KPNA5: variants seen among roughly 807,000 people sequenced by gnomAD.
KPNA5 encodes importin subunit alpha-6.
Under a neutral mutation model 71.3 loss-of-function variants are expected in KPNA5, and 46 were observed. The ratio of observed to expected loss-of-function variants is 0.65; its 90% CI spans 0.51 to 0.83. The LOEUF is 0.83. KPNA5 is among the 40% of genes least tolerant of loss of function. The pLI, the probability that KPNA5 is intolerant of heterozygous loss-of-function variation, is 0.00. For missense variants in KPNA5, 547 were observed against 628.3 expected (o/e 0.87, Z 1.38); for synonymous variants, 207 against 201.4 (o/e 1.03, Z -0.24).
intron 7 of KPNA5, among the ~76,000 whole-genome samples, chr6:116,712,142 T>A (rs1489662840): frequency 6.6e-6 from 1 of 152,140 alleles, no homozygotes; most frequent in Non-Finnish European, 1.5e-5. Context: ...GGTCTCACCA[T>A]GTTGGTCAGA....
Position 116,704,594 on chromosome 6 carries a change from CTT to C in KPNA5, c.568-468_568-467del, listed in dbSNP as rs34559060. ...ATATTTCACTAATATGCAAGGAAAA[CTT>C]TTTTTTTTTGGAGACAGGGTTTCGC... On this transcript the variant is annotated intron_variant, in intron 6 of 13. Transcript: ENST00000368564. Among the ~76,000 whole-genome samples the C allele has an allele frequency of 4.3e-3, 633 of 147,528 alleles. 5 individuals are homozygous for C. Among genetic ancestry groups the C allele is most frequent in the African/African-American group, 0.015 (588 of 40,422 alleles).
At position 116,741,144 on chromosome 6, in the gene KPNA5, T is replaced by C. The variant is rs1174201675; in HGVS notation, c.*8821T>C. The stretch of plus-strand genomic sequence containing the variant: ...GTTTTAGTGAAATGGCCCATGTGTG[T>C]AAGAAAAGAATGTGTTTTGTTAATT... On this transcript the variant is annotated 3_prime_UTR_variant, in exon 14 of 14. Coordinates refer to ENST00000368564, the MANE Select transcript of KPNA5 (RefSeq NM_001366306.2). 1.3e-5 allele frequency: 2 copies of C among 152,296 alleles called. No individual in the cohort carries two copies. The highest frequency in any genetic ancestry group is 3.9e-4 in the East Asian group (2 of 5,190). 9.4% of individuals were successfully genotyped at this position (152,296 alleles called of 1,614,324 possible).
rs1212516191 is a variant in KPNA5, at chr6:116,738,252, A to T, written c.*5929A>T. On this transcript the variant is annotated 3_prime_UTR_variant, in exon 14 of 14. Coordinates refer to ENST00000368564, the MANE Select transcript of KPNA5 (RefSeq NM_001366306.2). ...ACGCAAATATACTAGAAAATCTAGAAGAAATGGATAAATTCCTCGACACAT... is the reference window on the plus strand; with the variant it reads ...ACGCAAATATACTAGAAAATCTAGATGAAATGGATAAATTCCTCGACACAT... 6.6e-6 allele frequency: 1 copy of T among 152,212 alleles called. No individual in the cohort carries two copies. Among genetic ancestry groups the T allele is most frequent in the East Asian group, 1.9e-4 (1 of 5,202 alleles). The allele number at this position is 152,212 out of a possible 1,614,324, so 9.4% of individuals were successfully genotyped here. A position where few individuals can be genotyped will look rare whatever the true frequency, so the allele number is the denominator to read the frequency against.
At chr6:116,706,051 A>G (rs1242628449) in intron 7 of KPNA5, among the ~76,000 whole-genome samples, 2 of 152,346 alleles carry the variant, frequency 1.3e-5, no homozygotes, top group East Asian at 3.9e-4. Flanking sequence ...GTAATTGAGA[A>G]TTTAGCTGAG....
chr6:116,690,483 T>C (rs918240833), intron 2 of KPNA5, among the ~76,000 whole-genome samples: 19 of 151,650 alleles, frequency 1.3e-4, no homozygotes, highest in Non-Finnish European at 2.5e-4. Context: ...TGAAACCCCA[T>C]CTCAAAAAAA....
At chr6:116,694,418 A>G (rs983130855) in intron 4 of KPNA5, among the ~76,000 whole-genome samples, 18 of 152,096 alleles carry the variant, frequency 1.2e-4, no homozygotes, top group Non-Finnish European at 2.2e-4. Flanking sequence ...TTCATTGAGC[A>G]GTGGTTTGTA....
chr6:116,710,893 A>ATTTT (rs67301038), intron 7 of KPNA5, among the ~76,000 whole-genome samples: 4 of 86,760 alleles, frequency 4.6e-5, no homozygotes, highest in African/African-American at 9.0e-5. Flanking sequence ...ATATATATAT[A>ATTTT]TTTTTTTTTT....
chr6:116,717,549 C>T (rs1778934702), intron 8 of KPNA5, among the ~76,000 whole-genome samples: 1 of 152,154 alleles, frequency 6.6e-6, no homozygotes, highest in African/African-American at 2.4e-5. Context: ...CTTGCATCCT[C>T]AGAAGAAAGA....
At chr6:116,729,497 C>A (rs1779406590) in intron 12 of KPNA5, 66 bp from the exon 13 acceptor site, 2 of 1,031,830 alleles carry the variant, frequency 1.9e-6, no homozygotes, top group Middle Eastern at 3.6e-4. Flanking sequence ...GTCATTGTTA[C>A]AAACAGTACT....
At chr6:116,686,774 C>T (rs560518932) in intron 1 of KPNA5, among the ~76,000 whole-genome samples, 1 of 152,274 alleles carries the variant, frequency 6.6e-6, no homozygotes, top group Admixed American at 6.5e-5. Flanking sequence ...ATCCCAGCAC[C>T]ATTTATTGAA....
chr6:116,732,149 T>C lies in KPNA5; in HGVS notation c.1446T>C (p.Ile482=). The change falls in exon 14 of 14, where the codon ATT becomes ATC. Residue 482 remains isoleucine, a synonymous_variant. Transcript: ENST00000368564. ...TTTGTATAACAGGTCTGGATAAAAT[T>C]GAGTTTTTGCAAAGCCATGAAAATC... ...LIEEAYGLDK[I]EFLQSHENQE... is the part of the protein sequence containing the mutation. The C allele has an allele frequency of 6.9e-7, 1 of 1,455,458 alleles. No individual in the cohort carries two copies. Among genetic ancestry groups the C allele is most frequent in the South Asian group, 1.3e-5 (1 of 77,054 alleles). 90.2% of individuals were successfully genotyped at this position (1,455,458 alleles called of 1,614,324 possible). A position where few individuals can be genotyped will look rare whatever the true frequency, so the allele number is the denominator to read the frequency against.
chr6:116,699,371 G>T (rs1334602403), intron 5 of KPNA5, among the ~76,000 whole-genome samples: 1 of 151,990 alleles, frequency 6.6e-6, no homozygotes, highest in Admixed American at 6.6e-5. Flanking sequence ...AAAAAGATTG[G>T]TTTTCCCTAC....
At chr6:116,730,081 G>A (rs1583449521) in intron 13 of KPNA5, among the ~76,000 whole-genome samples, 1 of 138,472 alleles carries the variant, frequency 7.2e-6, no homozygotes, top group Admixed American at 7.5e-5. Flanking sequence ...ATAAAAATAT[G>A]TAATTTTTTT....
At chr6:116,696,040 T>C (rs1778014878) in intron 4 of KPNA5, among the ~76,000 whole-genome samples, 1 of 152,186 alleles carries the variant, frequency 6.6e-6, no homozygotes, top group Admixed American at 6.6e-5. Flanking sequence ...AGCCTTTATA[T>C]GTCTAAATAC....
At position 116,692,112 on chromosome 6, in the gene KPNA5, C is replaced by T. The variant is rs769393786; in HGVS notation, c.196C>T (p.Pro66Ser). ...AAATGATGAATCTATGCTTGAAAGT[C>T]CTATACAGGATCCAGATATTAGTTC... ...PRNDESMLES[P>S]IQDPDISSTV... The change falls in exon 3 of 14, where the codon CCT becomes TCT. Residue 66 changes from proline to serine, a missense_variant. Coordinates refer to ENST00000368564, the MANE Select transcript of KPNA5 (RefSeq NM_001366306.2). The T allele has an allele frequency of 2.5e-6, 4 of 1,612,644 alleles. No homozygotes were observed. The highest frequency in any genetic ancestry group is 8.5e-7 in the Non-Finnish European group (1 of 1,179,020).
chr6:116,724,246 T>C, intron 9 of KPNA5, 51 bp from the exon 10 acceptor site: 1 of 1,271,128 alleles, frequency 7.9e-7, no homozygotes, highest in African/African-American at 1.5e-5. Flanking sequence ...AACTTCTGTG[T>C]AAATTTTAAA....
chr6:116,682,995 T>C (rs1284944380), intron 1 of KPNA5, among the ~76,000 whole-genome samples: 1 of 152,222 alleles, frequency 6.6e-6, no homozygotes, highest in African/African-American at 2.4e-5. Flanking sequence ...ACAAGTGATA[T>C]CTGAGTTGTT....
In KPNA5 at chr6:116,692,043, T is replaced by C; in HGVS notation, c.139-12T>C. On this transcript the variant is annotated splice_polypyrimidine_tract_variant and intron_variant, in intron 2 of 13. Transcript: ENST00000368564. ...AAAGCTCAATGTGTAAACTGATTTC[T>C]CTTTATTACAGTTGTTCAAACGCAG... 6.4e-7 allele frequency: 1 copy of C among 1,564,716 alleles called. No individual in the cohort carries two copies. Among genetic ancestry groups the C allele is most frequent in the Non-Finnish European group, 8.8e-7 (1 of 1,136,648 alleles).
intron 5 of KPNA5, among the ~76,000 whole-genome samples, chr6:116,699,530 G>A (rs888383204): frequency 2.0e-5 from 3 of 152,188 alleles, no homozygotes; most frequent in Admixed American, 6.5e-5. Flanking sequence ...TATAACTTAA[G>A]AGTAGTGGTC....
Sources: gnomAD v4.1 joint callset for allele counts (sites outside exome capture counted in the v4.1 genomes callset) on GRCh38, gnomAD v4.1.1 for gene constraint, MANE v1.5 for transcripts, NCBI Gene and HGNC (gene_info 2026-07-23, HGNC 2026-07-21) for gene names.